TCAF1: variants seen among roughly 807,000 people sequenced by gnomAD.
TCAF1 encodes TRPM8 channel-associated factor 1.
In TCAF1, 4 loss-of-function variants were observed where a neutral mutation model predicts 27.3. That is an observed-to-expected ratio of 0.15 (90% CI 0.07 to 0.34). The LOEUF is 0.34. TCAF1 is among the 10% of genes least tolerant of loss of function. The pLI, the probability that TCAF1 is intolerant of heterozygous loss-of-function variation, is 1.00. For missense variants in TCAF1, 257 were observed against 425.8 expected (o/e 0.60, Z 3.49); for synonymous variants, 105 against 167.1 (o/e 0.63, Z 2.87).
In TCAF1 at chr7:143,852,505, G is replaced by A. The variant is rs1811355076; in HGVS notation, c.*1628C>T. 6.5e-6 allele frequency: 1 copy of A among 153,514 alleles called. No homozygotes were observed. The highest frequency in any genetic ancestry group is 6.5e-5 in the Admixed American group (1 of 15,294). The allele number at this position is 153,514 out of a possible 1,614,324, so 9.5% of individuals were successfully genotyped here. ...ATACTTCCTCAGTAAGGGTGCAAAGGAGACTTTCTGAAAATTTGCCTGACA... is the reference window on the plus strand; with the variant it reads ...ATACTTCCTCAGTAAGGGTGCAAAGAAGACTTTCTGAAAATTTGCCTGACA... On this transcript the variant is annotated 3_prime_UTR_variant, in exon 9 of 9. Transcript: ENST00000479870.
In TCAF1 at chr7:143,898,467, T is replaced by C. The variant is rs962959737; in HGVS notation, c.-15+3494A>G. Among the ~76,000 whole-genome samples the C allele has an allele frequency of 2.6e-5, 4 of 152,296 alleles. No homozygotes were observed. In the South Asian group the frequency reaches 6.2e-4, roughly 24 times the overall value. On this transcript the variant is annotated intron_variant, in intron 1 of 8. Transcript: ENST00000479870. ...ATCTGAAAGAAGCTACAGGTAAATT[T>C]AGAATTATTAATTTTCTCAAGTTTG... is the stretch of plus-strand genomic sequence containing the variant.
chr7:143,881,168 C>T (rs915426257), intron 1 of TCAF1, among the ~76,000 whole-genome samples: 1 of 152,184 alleles, frequency 6.6e-6, no homozygotes, highest in Admixed American at 6.5e-5. Flanking sequence ...GCTGCACCAC[C>T]CATATCCCGT....
intron 2 of TCAF1, among the ~76,000 whole-genome samples, chr7:143,865,320 A>AT (rs1221510538): frequency 1.0e-5 from 1 of 96,952 alleles, no homozygotes; most frequent in Non-Finnish European, 2.2e-5. Context: ...TCATGCAATT[A>AT]TTTTTTTTTA....
At chr7:143,875,461 C>T (rs1812645183) in intron 2 of TCAF1, among the ~76,000 whole-genome samples, 1 of 152,190 alleles carries the variant, frequency 6.6e-6, no homozygotes, top group African/African-American at 2.4e-5. Flanking sequence ...GATCATCAAC[C>T]TTTTGCCCCT....
intron 6 of TCAF1, among the ~76,000 whole-genome samples, 178 bp downstream of exon 6, chr7:143,860,030 T>TG (rs1563212312): frequency 2.8e-5 from 1 of 35,348 alleles, no homozygotes; most frequent in Non-Finnish European, 4.7e-5. Context: ...TTATATATTA[T>TG]ATATATAATA....
At chr7:143,881,838 C>A in intron 1 of TCAF1, 1 of 152,298 alleles carries the variant, frequency 6.6e-6, no homozygotes. Context: ...TACTCCTATT[C>A]TCTCACTTCT....
At chr7:143,879,365 G>A (rs769344665) in intron 1 of TCAF1, among the ~76,000 whole-genome samples, 10 of 152,216 alleles carry the variant, frequency 6.6e-5, no homozygotes, top group African/African-American at 1.9e-4. Context: ...AGGAGAAGAA[G>A]GGGAAGGAGA....
intron 1 of TCAF1, chr7:143,885,352 G>A (rs1813345683): frequency 1.0e-6 from 1 of 985,272 alleles, no homozygotes; most frequent in Non-Finnish European, 1.2e-6. Context: ...GGGGGAGGTG[G>A]GCTGCAGTGC....
intron 1 of TCAF1, among the ~76,000 whole-genome samples, chr7:143,900,349 G>A (rs1814060407): frequency 6.6e-6 from 1 of 152,022 alleles, no homozygotes; most frequent in South Asian, 2.1e-4. Context: ...TCTGACTTCT[G>A]TCTTTCTCTT....
intron 6 of TCAF1, among the ~76,000 whole-genome samples, chr7:143,859,930 TAATA>T (rs1811835099): frequency 1.7e-5 from 1 of 57,478 alleles, no homozygotes; most frequent in African/African-American, 7.1e-5. Flanking sequence ...ATATATTATA[TAATA>T]TATATTATAT....
chr7:143,889,370 TAAAG>T lies in TCAF1; in HGVS notation c.-15+12587_-15+12590del, dbSNP rs199555042. ...ACTCATCTAAATATCTGTAGTGAAT[TAAAG>T]AAGAGAAGACACCAAAGACATCTCA... On this transcript the variant is annotated intron_variant, in intron 1 of 8. Coordinates refer to ENST00000479870, the MANE Select transcript of TCAF1 (RefSeq NM_014719.3). 9.8e-3 allele frequency among the ~76,000 whole-genome samples: 1,494 copies of T among 152,246 alleles called. 26 individuals carry two copies. The highest frequency in any genetic ancestry group is 0.033 in the African/African-American group (1,375 of 41,526).
intron 1 of TCAF1, 118 bp downstream of exon 1, chr7:143,901,843 T>A (rs2116885132): frequency 6.6e-6 from 1 of 152,018 alleles, no homozygotes; most frequent in African/African-American, 2.4e-5. Context: ...AAGGAAGGGA[T>A]CCTCGGTGGA....
At chr7:143,886,061 A>G (rs13242310) in intron 1 of TCAF1, among the ~76,000 whole-genome samples, 55,213 of 152,128 alleles carry the variant, frequency 0.36, 10,301 homozygotes, top group African/African-American at 0.45. Flanking sequence ...ACGAGACTTG[A>G]CCATGGAGCA....
chr7:143,895,162 C>A (rs1340844685), intron 1 of TCAF1, among the ~76,000 whole-genome samples: 1 of 151,738 alleles, frequency 6.6e-6, no homozygotes, highest in Admixed American at 6.6e-5. Flanking sequence ...GCAAAACTGT[C>A]TGACATTATT....
At chr7:143,886,555 G>C (rs1813411041) in intron 1 of TCAF1, 2 of 984,316 alleles carry the variant, frequency 2.0e-6, no homozygotes, top group Non-Finnish European at 2.4e-6. Flanking sequence ...GGATGAAATG[G>C]GGTAAGAAAG....
chr7:143,900,310 G>A (rs532046473), intron 1 of TCAF1, among the ~76,000 whole-genome samples: 2 of 151,944 alleles, frequency 1.3e-5, no homozygotes, highest in South Asian at 4.2e-4. Context: ...AAAAATAATG[G>A]GATGTCGCTT....
At chr7:143,886,045 T>G (rs563086432) in intron 1 of TCAF1, among the ~76,000 whole-genome samples, 4 of 152,342 alleles carry the variant, frequency 2.6e-5, no homozygotes, top group Non-Finnish European at 4.4e-5. Flanking sequence ...GTTATTTGAG[T>G]GGAACACGAG....
At chr7:143,887,330 AT>A (rs1408110588) in intron 1 of TCAF1, among the ~76,000 whole-genome samples, 2 of 152,174 alleles carry the variant, frequency 1.3e-5, no homozygotes, top group Non-Finnish European at 2.9e-5. Context: ...CTTAATGTAT[AT>A]TTTCAGCAAT....
chr7:143,879,472 C>T (rs183256082), intron 1 of TCAF1, among the ~76,000 whole-genome samples: 17 of 152,212 alleles, frequency 1.1e-4, no homozygotes, highest in South Asian at 2.1e-4. Flanking sequence ...GCAGGAATGA[C>T]GGAGAATGTC....
Sources: gnomAD v4.1 joint callset for allele counts (sites outside exome capture counted in the v4.1 genomes callset) on GRCh38, gnomAD v4.1.1 for gene constraint, MANE v1.5 for transcripts, NCBI Gene and HGNC (gene_info 2026-07-23, HGNC 2026-07-21) for gene names.